The following NUP160 variants were observed in gnomAD, a reference collection of about 807,000 sequenced individuals.
NUP160 encodes nucleoporin 160.
In NUP160, 94 loss-of-function variants were observed where a neutral mutation model predicts 196.9. The ratio of observed to expected loss-of-function variants is 0.48; its 90% CI spans 0.40 to 0.57. The LOEUF (loss-of-function observed/expected upper bound fraction) is 0.57, where lower values mean the gene tolerates loss of function less well. Among genes scored for constraint, NUP160 ranks in the 20% least tolerant of loss-of-function variants. NUP160 has a pLI of 0.00. For missense variants in NUP160, 1,638 were observed against 1,748.3 expected, an observed-to-expected ratio of 0.94 and a Z score of 1.13; for synonymous variants, 605 against 619.7, an observed-to-expected ratio of 0.98 and a Z score of 0.35.
At chr11:47,824,867 G>A (rs563660739) in intron 7 of NUP160, among the ~76,000 whole-genome samples, 2 of 150,948 alleles carry the variant, frequency 1.3e-5, no homozygotes, top group Non-Finnish European at 2.9e-5. Context: ...ATGGAGTCTC[G>A]CACTGTCGCC....
Position 47,780,457 on chromosome 11 carries a change from A to G in NUP160, c.4117-10T>C, listed in dbSNP as rs748952270. 3 of 1,582,702 alleles carry G rather than the reference A, an allele frequency of 1.9e-6. No individual in the cohort carries two copies. In the South Asian group the frequency reaches 3.3e-5, roughly 17 times the overall value. ...TTGCGGACAGTGGAAACTAAAAGGA[A>G]AATGTTTATTTGAAAACAGTCTGCA... On this transcript the variant is annotated splice_polypyrimidine_tract_variant and intron_variant, in intron 34 of 35. Coordinates refer to ENST00000378460, the Ensembl canonical transcript of NUP160.
At chr11:47,779,480 AAC>A in intron 35 of NUP160, 1 of 491,732 alleles carries the variant, frequency 2.0e-6, no homozygotes. Flanking sequence ...CTTTTCTCAG[AAC>A]CAGAAATGCT....
chr11:47,825,289 CT>C (rs951985017), intron 7 of NUP160, among the ~76,000 whole-genome samples: 47 of 145,620 alleles, frequency 3.2e-4, no homozygotes, highest in Non-Finnish European at 3.0e-4. Flanking sequence ...TTTTAAATAA[CT>C]TTTTTTTTTT....
rs143582800 is a variant in NUP160 at position 47,839,939 on chromosome 11, T to C, written c.652A>G (p.Thr218Ala). ...TCCCCATCACTGCTGAGCCAGGCTG[T>C]AGAGGCGGTGGAATTAGGAGATATT... Residue 218 changes from threonine to alanine, a missense_variant, in exon 4 of 36, where the codon ACA becomes GCA. By Grantham distance (58) the Thr-to-Ala change is moderately conservative. Transcript: ENST00000378460. The C allele has an allele frequency of 9.9e-6, 16 of 1,614,038 alleles. No homozygotes were observed. In the African/African-American group the frequency reaches 1.9e-4, roughly 19 times the overall value.
chr11:47,785,098 A>ATTTTTTTTTT, intron 32 of NUP160, 35 bp from the exon 33 acceptor site: 7 of 1,137,356 alleles, frequency 6.2e-6, no homozygotes, highest in East Asian at 5.4e-5. Flanking sequence ...TGAGTTTCAG[A>ATTTTTTTTTT]TTCTTAATAG....
At chr11:47,826,206 C>T (rs1435417728) in intron 7 of NUP160, among the ~76,000 whole-genome samples, 1 of 152,156 alleles carries the variant, frequency 6.6e-6, no homozygotes, top group African/African-American at 2.4e-5. Flanking sequence ...AATTCCTGAA[C>T]TCAAATGATC....
exon 27 of NUP160, chr11:47,797,832 T>C: frequency 1.9e-6 from 3 of 1,613,130 alleles, no homozygotes; most frequent in African/African-American, 1.3e-5. Flanking sequence ...TTCATAGTAA[T>C]TGTGAGTCAT....
chr11:47,827,347 G>C (rs1851990884), intron 7 of NUP160, among the ~76,000 whole-genome samples: 1 of 146,148 alleles, frequency 6.8e-6, no homozygotes, highest in African/African-American at 2.6e-5. Flanking sequence ...TTGGGTGACG[G>C]AGTGAGACAC....
At chr11:47,801,987 T>C in intron 22 of NUP160, 57 bp from the exon 23 acceptor site, 1 of 1,573,132 alleles carries the variant, frequency 6.4e-7, no homozygotes, top group Non-Finnish European at 8.7e-7. Flanking sequence ...CTAGGTGCTA[T>C]GAATCAGGGG....
chr11:47,798,106 C>A (rs777768391), intron 25 of NUP160, 32 bp from the exon 26 acceptor site: 1 of 1,540,994 alleles, frequency 6.5e-7, no homozygotes, highest in South Asian at 1.1e-5. Flanking sequence ...TGAGGGCAAA[C>A]TATCTTAGTA....
chr11:47,780,476 G>A (rs893912696), intron 34 of NUP160, 29 bp from the exon 35 acceptor site: 9 of 1,423,842 alleles, frequency 6.3e-6, no homozygotes, highest in African/African-American at 1.4e-5. Flanking sequence ...TTTGAAAACA[G>A]TCTGCAAAGT....
chr11:47,820,457 T>A (rs977484619), intron 9 of NUP160, among the ~76,000 whole-genome samples: 5 of 152,226 alleles, frequency 3.3e-5, no homozygotes, highest in African/African-American at 1.2e-4. Flanking sequence ...CATAGCTCAC[T>A]GAAGCCTGAA....
chr11:47,801,671 G>T, intron 23 of NUP160, 140 bp downstream of exon 23: 1 of 806,798 alleles, frequency 1.2e-6, no homozygotes, highest in Non-Finnish European at 1.9e-6. Flanking sequence ...ATTTCTCTAG[G>T]CAAATTCATT....
chr11:47,823,781 C>T (rs895738444), intron 7 of NUP160, among the ~76,000 whole-genome samples: 10 of 151,746 alleles, frequency 6.6e-5, no homozygotes, highest in East Asian at 3.9e-4. Context: ...GTGATCCATC[C>T]GCCTCAGCCT....
chr11:47,794,775 G>T (rs542541982), intron 27 of NUP160, among the ~76,000 whole-genome samples: 1 of 152,054 alleles, frequency 6.6e-6, no homozygotes, highest in South Asian at 2.1e-4. Context: ...TGTCGAGCGT[G>T]GTGGTGCATG....
At chr11:47,797,450 G>A (rs1019064220) in intron 27 of NUP160, among the ~76,000 whole-genome samples, 1 of 152,138 alleles carries the variant, frequency 6.6e-6, no homozygotes, top group Admixed American at 6.6e-5. Flanking sequence ...TGTTGGCCAG[G>A]CTGGTCTCGA....
chr11:47,840,337 G>A (rs746823460), intron 3 of NUP160, 41 bp downstream of exon 3: 1 of 1,517,812 alleles, frequency 6.6e-7, no homozygotes, highest in South Asian at 1.1e-5. Flanking sequence ...GACACCCAGA[G>A]TAATTTGGGA....
In NUP160 at chr11:47,807,919, C is replaced by T. The variant is rs115387195; in HGVS notation, c.2375+477G>A. Among the ~76,000 whole-genome samples, 1,216 of 152,304 alleles carry T rather than the reference C, an allele frequency of 8.0e-3. 17 individuals carry two copies. The highest frequency in any genetic ancestry group is 0.027 in the African/African-American group (1,132 of 41,570). ...TTCATTCTTATAAGTTGCCTTCAAC[C>T]TGTAACAAATAAAGGCACCAAAAAG... On this transcript the variant is annotated intron_variant, in intron 18 of 35. Transcript: ENST00000378460.
chr11:47,812,794 G>A (rs10838773), intron 15 of NUP160, 88 bp downstream of exon 15: 438,123 of 1,042,304 alleles, frequency 0.42, 97,193 homozygotes, highest in South Asian at 0.53. Context: ...TATTCTGTAC[G>A]CTCTGGAACA....
Sources: gnomAD v4.1 joint callset for allele counts (sites outside exome capture counted in the v4.1 genomes callset) on GRCh38, gnomAD v4.1.1 for gene constraint, MANE v1.5 for transcripts, NCBI Gene and HGNC (gene_info 2026-07-23, HGNC 2026-07-21) for gene names.